The following TMCC3 variants were observed in gnomAD, a reference collection of about 807,000 sequenced individuals.
The protein encoded by TMCC3 is transmembrane and coiled-coil domain protein 3.
TMCC3 carries 28 observed loss-of-function variants against 40.2 expected under a neutral mutation model. The ratio of observed to expected loss-of-function variants is 0.70; its 90% confidence interval spans 0.52 to 0.95. TMCC3 has a LOEUF of 0.95. Among genes scored for constraint, TMCC3 ranks in the 40% least tolerant of loss-of-function variants. TMCC3 has a pLI of 0.00. For synonymous variants in TMCC3, 255 were observed against 248.5 expected (o/e 1.03, Z -0.25); for missense variants, 554 against 615.2 (o/e 0.90, Z 1.05).
At chr12:94,604,803 C>CAAA (rs11400128) in intron 1 of TMCC3, among the ~76,000 whole-genome samples, 1,141 of 52,908 alleles carry the variant, frequency 0.022, 93 homozygotes, top group African/African-American at 0.066. Context: ...GACTTCATCT[C>CAAA]AAAAAAAAAA....
At chr12:94,621,039 A>G (rs890379070) in intron 1 of TMCC3, among the ~76,000 whole-genome samples, 1 of 152,252 alleles carries the variant, frequency 6.6e-6, no homozygotes, top group African/African-American at 2.4e-5. Context: ...TATGAAGGAC[A>G]CATTGAATCT....
At chr12:94,579,591 T>G (rs761870160) in intron 2 of TMCC3, among the ~76,000 whole-genome samples, 2 of 152,220 alleles carry the variant, frequency 1.3e-5, no homozygotes, top group African/African-American at 2.4e-5. Flanking sequence ...TTGGAGAAGA[T>G]GCATTCATTA....
At chr12:94,595,353 T>C (rs2068709333) in intron 1 of TMCC3, among the ~76,000 whole-genome samples, 1 of 152,186 alleles carries the variant, frequency 6.6e-6, no homozygotes, top group Admixed American at 6.5e-5. Context: ...ACCCAGCTCA[T>C]GAACCTGCAC....
intron 3 of TMCC3, among the ~76,000 whole-genome samples, chr12:94,577,426 G>T (rs2068572389): frequency 6.6e-6 from 1 of 152,120 alleles, no homozygotes; most frequent in African/African-American, 2.4e-5. Context: ...CTGACCTCGT[G>T]ACCCAACCGC....
Position 94,582,003 on chromosome 12 carries a change from T to C in TMCC3, c.614A>G (p.Glu205Gly). The change falls in exon 2 of 4, where the codon GAG (glutamate) becomes GGG (glycine). Residue 205 changes from glutamate (E) to glycine (G), a missense_variant. Coordinates refer to ENST00000261226, the MANE Select transcript of TMCC3 (RefSeq NM_020698.4). ...CTTATTCCGGATCAGGTTGGCAAAC[T>C]CTCTGGACTTATTGAAAACGAACAC... is the stretch of plus-strand genomic sequence containing the variant. The part of the protein sequence containing the change: ...PPVFVFNKSR[E>G]FANLIRNKFG... The C allele has an allele frequency of 1.2e-6, 2 of 1,614,222 alleles. No individual in the cohort carries two copies. The highest frequency in any genetic ancestry group is 1.7e-6 in the Non-Finnish European group (2 of 1,180,036).
chr12:94,578,493 C>T lies in TMCC3; in HGVS notation c.1032G>A (p.Thr344=), dbSNP rs371704060. ...TGGCTGTCTCATGCTGATGCAGGTC[C>T]GTCAGGTCATGCAGCTGGTCCTCCA... The part of the protein sequence containing the change: ...ERLEDQLHDL[T]DLHQHETANL... Residue 344 remains threonine (T), a synonymous_variant, in exon 3 of 4, where the codon ACG becomes ACA. Transcript: ENST00000261226. 5.0e-5 allele frequency: 80 copies of T among 1,613,996 alleles called. No homozygotes were observed. The highest frequency in any genetic ancestry group is 9.9e-5 in the South Asian group (9 of 91,082).
chr12:94,620,418 G>A (rs2138867854), intron 1 of TMCC3, among the ~76,000 whole-genome samples: 1 of 151,738 alleles, frequency 6.6e-6, no homozygotes, highest in African/African-American at 2.4e-5. Context: ...CTCCCGAGTA[G>A]CTGGGATCAC....
rs199782542 is a variant in TMCC3 at position 94,610,980 on chromosome 12, T to TA, written c.79-28443dup. On this transcript the variant is annotated intron_variant, in intron 1 of 3. Transcript: ENST00000261226. ...AGAGTAATTCATCTTATTTTCATAT[T>TA]AAAAAAAAATCCCCAGTGCCTGAAT... 1.1e-4 allele frequency among the ~76,000 whole-genome samples: 17 copies of TA among 151,574 alleles called. No individual in the cohort carries two copies. The East Asian group carries it at 1.5e-3, about 14-fold the overall frequency.
At chr12:94,577,251 C>T (rs932268897) in intron 3 of TMCC3, among the ~76,000 whole-genome samples, 1 of 152,064 alleles carries the variant, frequency 6.6e-6, no homozygotes, top group African/African-American at 2.4e-5. Context: ...TGCAATGGCG[C>T]GATCTCGGCT....
chr12:94,637,849 C>T (rs1167201593), intron 1 of TMCC3, among the ~76,000 whole-genome samples: 1 of 152,170 alleles, frequency 6.6e-6, no homozygotes, highest in African/African-American at 2.4e-5. Context: ...CTTCTCAAGT[C>T]CCACAGTACA....
intron 1 of TMCC3, among the ~76,000 whole-genome samples, chr12:94,636,702 C>T (rs537498215): frequency 7.2e-4 from 109 of 152,332 alleles, no homozygotes; most frequent in African/African-American, 2.6e-3. Context: ...CAAAATGCAA[C>T]AAAGATGCTG....
chr12:94,596,445 C>T (rs1265350061), intron 1 of TMCC3, among the ~76,000 whole-genome samples: 1 of 152,150 alleles, frequency 6.6e-6, no homozygotes, highest in African/African-American at 2.4e-5. Flanking sequence ...GCATGGTCTC[C>T]TTCCCAATTC....
chr12:94,599,991 G>T (rs2068742760), intron 1 of TMCC3, among the ~76,000 whole-genome samples: 1 of 152,104 alleles, frequency 6.6e-6, no homozygotes. Context: ...AGAGTTGGAG[G>T]CCAGCCTGGG....
At chr12:94,634,857 T>G (rs2068951989) in intron 1 of TMCC3, among the ~76,000 whole-genome samples, 1 of 152,260 alleles carries the variant, frequency 6.6e-6, no homozygotes, top group Non-Finnish European at 1.5e-5. Flanking sequence ...CACATAGTAC[T>G]TGATAATTTG....
intron 1 of TMCC3, among the ~76,000 whole-genome samples, chr12:94,604,803 CAAAAAAAAAA>C (rs11400128): frequency 3.8e-5 from 2 of 53,320 alleles, no homozygotes; most frequent in Admixed American, 2.8e-4. Flanking sequence ...GACTTCATCT[CAAAAAAAAAA>C]AAAAAAAAAA....
At chr12:94,643,167 G>A (rs1283222401) in intron 1 of TMCC3, among the ~76,000 whole-genome samples, 1 of 151,400 alleles carries the variant, frequency 6.6e-6, no homozygotes, top group African/African-American at 2.4e-5. Context: ...ACTCCAGCCT[G>A]GTGAAAGAGC....
chr12:94,585,697 CAAA>C (rs2068634606), intron 1 of TMCC3, among the ~76,000 whole-genome samples: 1 of 151,726 alleles, frequency 6.6e-6, no homozygotes, highest in African/African-American at 2.4e-5. Context: ...AACAAACAAA[CAAA>C]CAAACAAAAC....
In TMCC3 at chr12:94,629,294, G is replaced by A. The variant is rs181774272; in HGVS notation, c.78+21059C>T. Among the ~76,000 whole-genome samples, 4 of 152,286 alleles carry A rather than the reference G, an allele frequency of 2.6e-5. No individual in the cohort carries two copies. The East Asian group carries it at 5.8e-4, about 22-fold the overall frequency. On this transcript the variant is annotated intron_variant, in intron 1 of 3. Transcript: ENST00000261226. ...CAGGAAGGGAGGGTGGGCCAGGAAGGCTTAACAGCCAACACCCAGTCCTCC... is the reference window on the plus strand; with the variant it reads ...CAGGAAGGGAGGGTGGGCCAGGAAGACTTAACAGCCAACACCCAGTCCTCC...
rs935269717 is a variant in TMCC3, at chr12:94,569,143, T to A, written c.*2292A>T. 5.3e-5 allele frequency: 8 copies of A among 152,228 alleles called. No homozygotes were observed. Among genetic ancestry groups the A allele is most frequent in the Non-Finnish European group, 1.0e-4 (7 of 68,078 alleles). The allele number at this position is 152,228 out of a possible 1,614,324, so 9.4% of individuals were successfully genotyped here. ...CTTCACCTCAAGGGTTAGACATCTC[T>A]CCTTCTCTAAACTAACAGCAGCACT... On this transcript the variant is annotated 3_prime_UTR_variant, in exon 4 of 4. Transcript: ENST00000261226.
Sources: gnomAD v4.1 joint callset for allele counts (sites outside exome capture counted in the v4.1 genomes callset) on GRCh38, gnomAD v4.1.1 for gene constraint, MANE v1.5 for transcripts, NCBI Gene and HGNC (gene_info 2026-07-23, HGNC 2026-07-21) for gene names.